The following STARD13 variants were observed in gnomAD, a reference collection of about 807,000 sequenced individuals.
The protein encoded by STARD13 is StAR related lipid transfer domain containing 13, also known as stAR-related lipid transfer protein 13.
In STARD13, 62 loss-of-function variants were observed where a neutral mutation model predicts 106.4. The observed-to-expected ratio is 0.58, with a 90% CI of 0.48 to 0.72. STARD13 has a LOEUF of 0.72. Ranked by LOEUF, STARD13 falls within the 30% of genes least tolerant of loss-of-function variation. The pLI is 0.00. For synonymous variants in STARD13, 565 were observed against 553.0 expected, an observed-to-expected ratio of 1.02 and a Z score of -0.31; for missense variants, 1,387 against 1,424.0, an observed-to-expected ratio of 0.97 and a Z score of 0.42.
chr13:33,244,409 A>T (rs543128338), intron 1 of STARD13, among the ~76,000 whole-genome samples: 12 of 151,428 alleles, frequency 7.9e-5, no homozygotes, highest in East Asian at 5.9e-4. Context: ...ACCTCTCACC[A>T]CTCACCCCAC....
chr13:33,241,882 GCTCACTACAAC>G, intron 1 of STARD13, among the ~76,000 whole-genome samples: 1 of 152,124 alleles, frequency 6.6e-6, no homozygotes, highest in Admixed American at 6.5e-5. Context: ...CCTGATCTAG[GCTCACTACAAC>G]CTCCACCTCC....
At chr13:33,307,072 T>A (rs936774122) in intron 1 of STARD13, among the ~76,000 whole-genome samples, 21 of 152,014 alleles carry the variant, frequency 1.4e-4, no homozygotes, top group Non-Finnish European at 2.1e-4. Flanking sequence ...ACATCACTGA[T>A]CCTTAAAGAA....
the STARD13 span, among the ~76,000 whole-genome samples, chr13:33,569,656 CAGTT>C: frequency 6.8e-6 from 1 of 147,538 alleles, no homozygotes; most frequent in Non-Finnish European, 1.5e-5. Flanking sequence ...AGACCCGCAT[CAGTT>C]AGGAAGTGGT....
the STARD13 span, among the ~76,000 whole-genome samples, chr13:33,484,079 G>A: frequency 6.6e-6 from 1 of 152,194 alleles, no homozygotes; most frequent in Admixed American, 6.5e-5. Context: ...AGTTATAACA[G>A]TGAGAAAATT....
At chr13:33,669,351 C>A in the STARD13 span, among the ~76,000 whole-genome samples, 57 of 152,098 alleles carry the variant, frequency 3.7e-4, no homozygotes, top group Admixed American at 3.4e-3. Flanking sequence ...GATTTTCATC[C>A]CCTCCTGAGT....
intron 1 of STARD13, among the ~76,000 whole-genome samples, chr13:33,230,435 C>G (rs1366095871): frequency 6.6e-6 from 1 of 152,240 alleles, no homozygotes; most frequent in East Asian, 1.9e-4. Context: ...TGCCTGAACA[C>G]TGCCTCCAAC....
At chr13:33,385,036 AAT>A in the STARD13 span, among the ~76,000 whole-genome samples, 6 of 143,966 alleles carry the variant, frequency 4.2e-5, no homozygotes, top group Non-Finnish European at 1.5e-5. Flanking sequence ...AAAGGTTCGG[AAT>A]ATATATATAT....
rs910111494 is a variant in STARD13, at chr13:33,215,017, A to G, written c.170-47395T>C. On this transcript the variant is annotated intron_variant, in intron 1 of 13. Transcript: ENST00000336934. ...CTGTAGTTTTTCCCCTCAGACACAT[A>G]GACTGTTGCTCCTTGCAAAATAATT... 3.3e-5 allele frequency among the ~76,000 whole-genome samples: 5 copies of G among 151,172 alleles called. No individual in the cohort carries two copies. The Admixed American group carries it at 3.3e-4, about 10-fold the overall frequency.
chr13:33,521,577 C>T, the STARD13 span, among the ~76,000 whole-genome samples: 1 of 151,932 alleles, frequency 6.6e-6, no homozygotes, highest in Non-Finnish European at 1.5e-5. Context: ...GAAGGAATGC[C>T]TATTATAGAC....
intron 3 of STARD13, among the ~76,000 whole-genome samples, chr13:33,149,381 C>G (rs113510441): frequency 1.3e-5 from 2 of 152,230 alleles, no homozygotes; most frequent in African/African-American, 4.8e-5. Flanking sequence ...GAAACAAAGT[C>G]AATTTTTAAA....
the STARD13 span, among the ~76,000 whole-genome samples, chr13:33,466,390 C>T: frequency 1.3e-5 from 2 of 152,148 alleles, no homozygotes; most frequent in Non-Finnish European, 2.9e-5. Context: ...GCATCCCTCT[C>T]CTATTTCAAT....
chr13:33,243,544 AT>A (rs1006482132), intron 1 of STARD13, among the ~76,000 whole-genome samples: 2 of 151,642 alleles, frequency 1.3e-5, no homozygotes, highest in Non-Finnish European at 2.9e-5. Context: ...TATGGAATTA[AT>A]TTTTTTTTCT....
the STARD13 span, among the ~76,000 whole-genome samples, chr13:33,631,496 T>C: frequency 6.6e-6 from 1 of 152,232 alleles, no homozygotes; most frequent in Admixed American, 6.5e-5. Context: ...ATCTTCTTGG[T>C]GATTACGGAA....
chr13:33,477,345 G>C, the STARD13 span, among the ~76,000 whole-genome samples: 1 of 152,064 alleles, frequency 6.6e-6, no homozygotes, highest in African/African-American at 2.4e-5. Context: ...TTGATTCTAA[G>C]TCCCTTTACC....
At chr13:33,499,320 G>C in the STARD13 span, among the ~76,000 whole-genome samples, 1 of 152,144 alleles carries the variant, frequency 6.6e-6, no homozygotes, top group African/African-American at 2.4e-5. Flanking sequence ...ACCAAAGACT[G>C]GTTGGTTAAA....
intron 1 of STARD13, among the ~76,000 whole-genome samples, chr13:33,297,757 C>T (rs1193130919): frequency 6.6e-6 from 1 of 152,086 alleles, no homozygotes; most frequent in Admixed American, 6.5e-5. Flanking sequence ...TGAAGCCTAA[C>T]CAATGATATA....
At chr13:33,517,304 A>G in the STARD13 span, among the ~76,000 whole-genome samples, 2 of 152,114 alleles carry the variant, frequency 1.3e-5, no homozygotes, top group African/African-American at 4.8e-5. Context: ...TACCTCAACC[A>G]AAGAAGAGTT....
chr13:33,382,146 C>T, the STARD13 span, among the ~76,000 whole-genome samples: 2 of 152,258 alleles, frequency 1.3e-5, no homozygotes, highest in East Asian at 3.8e-4. Context: ...ATTGAATGTT[C>T]TTAGTGGAAT....
the STARD13 span, among the ~76,000 whole-genome samples, chr13:33,591,079 G>A: frequency 1.3e-5 from 2 of 152,292 alleles, no homozygotes; most frequent in African/African-American, 4.8e-5. Flanking sequence ...GACTTGCCTG[G>A]CTCTTGCCAG....
Sources: gnomAD v4.1 joint callset for allele counts (sites outside exome capture counted in the v4.1 genomes callset) on GRCh38, gnomAD v4.1.1 for gene constraint, MANE v1.5 for transcripts, NCBI Gene and HGNC (gene_info 2026-07-23, HGNC 2026-07-21) for gene names.